Variants in LRP5 observed in about 807,000 individuals in gnomAD.
The protein encoded by LRP5 is LDL receptor related protein 5.
In LRP5, 62 loss-of-function variants were observed where a neutral mutation model predicts 154.1. The ratio of observed to expected loss-of-function variants is 0.40; its 90% CI spans 0.33 to 0.50. The LOEUF (loss-of-function observed/expected upper bound fraction) is 0.50. LRP5 is among the 20% of genes least tolerant of loss of function. The pLI, the probability that LRP5 is intolerant of heterozygous loss-of-function variation, is 0.55. For missense variants in LRP5, 1,915 were observed against 2,336.7 expected (o/e 0.82, Z 3.72); for synonymous variants, 966 against 1,011.5 (o/e 0.96, Z 0.85).
chr11:68,440,538 G>T (rs906495728), intron 21 of LRP5, among the ~76,000 whole-genome samples: 1 of 152,204 alleles, frequency 6.6e-6, no homozygotes, highest in Non-Finnish European at 1.5e-5. Flanking sequence ...GTCCCAGGAT[G>T]CCAAGGCGAG....
intron 2 of LRP5, among the ~76,000 whole-genome samples, chr11:68,354,465 C>T (rs951617833): frequency 3.3e-5 from 5 of 152,180 alleles, no homozygotes; most frequent in African/African-American, 1.2e-4. Context: ...GTGTGGATTC[C>T]CCCCCAAGTC....
chr11:68,326,544 C>T (rs779601469), intron 1 of LRP5, among the ~76,000 whole-genome samples: 3 of 152,230 alleles, frequency 2.0e-5, no homozygotes, highest in South Asian at 2.1e-4. Context: ...GCCTTTGCCC[C>T]GCTCTGACGA....
At chr11:68,315,848 C>T (rs1179965690) in intron 1 of LRP5, among the ~76,000 whole-genome samples, 1 of 152,116 alleles carries the variant, frequency 6.6e-6, no homozygotes, top group South Asian at 2.1e-4. Flanking sequence ...CACAAGGCAG[C>T]GGAAGCTTCT....
intron 7 of LRP5, among the ~76,000 whole-genome samples, chr11:68,399,879 G>T (rs1565076987): frequency 6.6e-6 from 1 of 152,234 alleles, no homozygotes; most frequent in Non-Finnish European, 1.5e-5. Context: ...TCCAGTATTA[G>T]AGCAACTGAG....
chr11:68,414,529 C>G (rs1422103223), intron 12 of LRP5, among the ~76,000 whole-genome samples: 1 of 152,106 alleles, frequency 6.6e-6, no homozygotes, highest in Admixed American at 6.5e-5. Context: ...GGCATCAGCT[C>G]GGGGAATTTT....
Position 68,391,059 on chromosome 11 carries a change from C to T in LRP5, c.1584+1007C>T, listed in dbSNP as rs2098646041. Among the ~76,000 whole-genome samples, 3 of 152,206 alleles carry T rather than the reference C, an allele frequency of 2.0e-5. No homozygotes were observed. In the South Asian group the frequency reaches 6.2e-4, roughly 31 times the overall value. ...CTCAGCTCACTGAAACCTCTGCCTCCTTGGGTTCATGCCATTCTCCTGCCT... is the reference window on the plus strand; with the variant it reads ...CTCAGCTCACTGAAACCTCTGCCTCTTTGGGTTCATGCCATTCTCCTGCCT... On this transcript the variant is annotated intron_variant, in intron 7 of 22. Coordinates refer to ENST00000294304, the MANE Select transcript of LRP5 (RefSeq NM_002335.4).
At chr11:68,312,835 C>A in intron 1 of LRP5, 30 bp downstream of exon 1, 1 of 1,012,118 alleles carries the variant, frequency 9.9e-7, no homozygotes, top group South Asian at 4.3e-5. Context: ...CCGGGGGCCG[C>A]GGGTTGCTCG....
At position 68,363,689 on chromosome 11, in the gene LRP5, G is replaced by A. The variant is rs1246829138; in HGVS notation, c.687-58G>A. On this transcript the variant is annotated intron_variant, in intron 3 of 22. Transcript: ENST00000294304. Reference sequence around the variant, plus strand: ...AAAAAAGAAATTAATTGGGTCAGCAGCAATGACTGTCGGGGGACCCTCCTG... The same window carrying A: ...AAAAAAGAAATTAATTGGGTCAGCAACAATGACTGTCGGGGGACCCTCCTG... The A allele has an allele frequency of 3.7e-6, 5 of 1,341,410 alleles. No individual in the cohort carries two copies. The African/African-American group carries it at 5.8e-5, about 15-fold the overall frequency. The allele number at this position is 1,341,410 out of a possible 1,614,324, so 83.1% of individuals were successfully genotyped here.
chr11:68,400,983 T>C (rs1398952898), intron 7 of LRP5, among the ~76,000 whole-genome samples: 3 of 152,196 alleles, frequency 2.0e-5, no homozygotes, highest in Admixed American at 6.5e-5. Flanking sequence ...TTCTTTTCTT[T>C]GTGGTGTTTG....
chr11:68,342,595 T>C lies in LRP5; in HGVS notation c.92-5252T>C, dbSNP rs1181306532. Among the ~76,000 whole-genome samples, 4 of 152,102 alleles carry C rather than the reference T, an allele frequency of 2.6e-5. No individual in the cohort carries two copies. In the East Asian group the frequency reaches 5.8e-4, roughly 22 times the overall value. On this transcript the variant is annotated intron_variant, in intron 1 of 22. Transcript: ENST00000294304. ...AGAGTGATGTGGCTTCCTCTTAAAC[T>C]TAGGAATTGAGTGTGTGGTTGCTTC...
At chr11:68,403,845 A>T in intron 8 of LRP5, 146 bp downstream of exon 8, 2 of 906,712 alleles carry the variant, frequency 2.2e-6, no homozygotes, top group South Asian at 1.6e-5. Context: ...GTATCTGGCC[A>T]AGGACAGATG....
At chr11:68,366,804 G>A (rs879559890) in intron 5 of LRP5, among the ~76,000 whole-genome samples, 9 of 152,092 alleles carry the variant, frequency 5.9e-5, no homozygotes, top group South Asian at 2.1e-4. Flanking sequence ...GGACTTGGGC[G>A]GCCTAGTCCT....
At chr11:68,437,922 C>G (rs535332274) in intron 19 of LRP5, among the ~76,000 whole-genome samples, 2 of 152,360 alleles carry the variant, frequency 1.3e-5, no homozygotes, top group South Asian at 4.1e-4. Context: ...CCCTCAGGAT[C>G]GCTGGGCCGG....
Position 68,432,607 on chromosome 11 carries a change from A to G in LRP5, c.3764-995A>G, listed in dbSNP as rs2098672560. Among the ~76,000 whole-genome samples, 2 of 152,198 alleles carry G rather than the reference A, an allele frequency of 1.3e-5. 1 individual carries two copies. The highest frequency in any genetic ancestry group is 4.1e-4 in the South Asian group (2 of 4,832). ...CTTGAAACCGATGTTTTTTACCTTG[A>G]TCAGATTTCAGCTTGGCGGGGGCTT... is the stretch of plus-strand genomic sequence containing the variant. On this transcript the variant is annotated intron_variant, in intron 17 of 22. Transcript: ENST00000294304.
At chr11:68,440,484 A>T (rs894991061) in intron 21 of LRP5, among the ~76,000 whole-genome samples, 12 of 152,326 alleles carry the variant, frequency 7.9e-5, no homozygotes, top group Non-Finnish European at 1.5e-4. Flanking sequence ...GCCCTCCAGG[A>T]TCACTGGGGC....
rs138155287 is a variant in LRP5, at chr11:68,353,629, G to A, written c.489-4021G>A. 7.0e-4 allele frequency among the ~76,000 whole-genome samples: 106 copies of A among 152,288 alleles called. No homozygotes were observed. Among genetic ancestry groups the A allele is most frequent in the African/African-American group, 2.5e-3 (103 of 41,568 alleles). On this transcript the variant is annotated intron_variant, in intron 2 of 22. Coordinates refer to ENST00000294304, the MANE Select transcript of LRP5 (RefSeq NM_002335.4). This position sits in a 1 kb window ranked among gnomAD's most constrained non-coding sequence, Gnocchi z 4.5. ...TCCTCTGTCCTGGCCACAGGCACACGGTTGCGAGGAGCATCTTGGCCTTCC... is the reference window on the plus strand; with the variant it reads ...TCCTCTGTCCTGGCCACAGGCACACAGTTGCGAGGAGCATCTTGGCCTTCC...
rs113839122 is a variant in LRP5, at chr11:68,437,119, G to A, written c.4111+120G>A. ...TGGGGGCTGTGTGGGAGACTCAGGC[G>A]GCTGGGAGGCTCCTTGCGGGAGGCA... On this transcript the variant is annotated intron_variant, in intron 19 of 22. Transcript: ENST00000294304. 5.5e-5 allele frequency: 44 copies of A among 806,312 alleles called. 1 individual carries two copies. Among genetic ancestry groups the A allele is most frequent in the African/African-American group, 1.0e-4 (6 of 59,560 alleles). The allele number at this position is 806,312 out of a possible 1,614,324, so 49.9% of individuals were successfully genotyped here.
chr11:68,350,112 C>T (rs7930605), intron 2 of LRP5, among the ~76,000 whole-genome samples: 3,846 of 152,342 alleles, frequency 0.025, 130 homozygotes, highest in African/African-American at 0.078. Flanking sequence ...TCTCAGCTCA[C>T]TGCAACCTCC....
intron 16 of LRP5, among the ~76,000 whole-genome samples, chr11:68,428,014 T>C (rs2098669819): frequency 6.6e-6 from 1 of 150,788 alleles, no homozygotes; most frequent in Admixed American, 6.6e-5. Flanking sequence ...TTTATTGAGA[T>C]GGAGTTTCGT....
Sources: gnomAD v4.1 joint callset for allele counts (sites outside exome capture counted in the v4.1 genomes callset) on GRCh38, gnomAD v4.1.1 for gene constraint, Gnocchi (gnomAD v3.1) non-coding constraint, MANE v1.5 for transcripts, NCBI Gene and HGNC (gene_info 2026-07-23, HGNC 2026-07-21) for gene names.